The following RABGEF1 variants were observed in gnomAD, a reference collection of about 807,000 sequenced individuals.
RABGEF1 encodes the protein RAB guanine nucleotide exchange factor 1.
In RABGEF1, 26 loss-of-function variants were observed where a neutral mutation model predicts 57.3. The observed-to-expected ratio is 0.45, with a 90% CI of 0.33 to 0.63. The LOEUF is 0.63. RABGEF1 is among the 20% of genes least tolerant of loss of function. The pLI, the probability that RABGEF1 is intolerant of heterozygous loss-of-function variation, is 0.02. For missense variants in RABGEF1, 464 were observed against 607.6 expected, an observed-to-expected ratio of 0.76 and a Z score of 2.48; for synonymous variants, 185 against 210.7, an observed-to-expected ratio of 0.88 and a Z score of 1.06.
intron 2 of RABGEF1, among the ~76,000 whole-genome samples, chr7:66,722,041 C>T (rs986974469): frequency 1.3e-5 from 2 of 152,064 alleles, no homozygotes; most frequent in African/African-American, 4.8e-5. Context: ...TGCCAATATA[C>T]CTGATGATGT....
the RABGEF1 span, among the ~76,000 whole-genome samples, chr7:66,662,504 G>T: frequency 2.6e-5 from 4 of 152,224 alleles, no homozygotes; most frequent in African/African-American, 9.6e-5. Flanking sequence ...AGCTGAGGGT[G>T]TCTGAGGAGC....
chr7:66,738,643 G>A (rs1798327399), upstream of RABGEF1, among the ~76,000 whole-genome samples: 1 of 150,096 alleles, frequency 6.7e-6, no homozygotes, highest in Non-Finnish European at 1.5e-5. Context: ...GAGGCAGAAG[G>A]ATCACTTGAG....
chr7:66,712,993 T>A (rs1247363254), intron 2 of RABGEF1, among the ~76,000 whole-genome samples: 1 of 151,744 alleles, frequency 6.6e-6, no homozygotes, highest in African/African-American at 2.4e-5. Flanking sequence ...TATTTTATAT[T>A]TTGTAGAGAT....
intron 1 of RABGEF1, among the ~76,000 whole-genome samples, chr7:66,748,121 C>T (rs13227951): frequency 0.31 from 47,231 of 152,054 alleles, 9,092 homozygotes; most frequent in Non-Finnish European, 0.43. Flanking sequence ...GCTTTGGATT[C>T]CCAAAGACTT....
At chr7:66,769,597 C>T (rs573843577) in intron 1 of RABGEF1, among the ~76,000 whole-genome samples, 7 of 152,282 alleles carry the variant, frequency 4.6e-5, no homozygotes, top group Admixed American at 2.6e-4. Context: ...GACGTAGATG[C>T]ATTGCAGAAA....
intron 2 of RABGEF1, among the ~76,000 whole-genome samples, chr7:66,724,116 T>C (rs553113763): frequency 6.6e-6 from 1 of 152,250 alleles, no homozygotes; most frequent in East Asian, 1.9e-4. Flanking sequence ...GAGGCTATTT[T>C]AATTGAATAA....
rs112073601 is a variant in RABGEF1, at chr7:66,785,308, C to T, written c.513+1467C>T. Among the ~76,000 whole-genome samples the T allele has an allele frequency of 2.8e-3, 430 of 152,310 alleles. 1 individual carries two copies. Among genetic ancestry groups the T allele is most frequent in the African/African-American group, 1.0e-2 (414 of 41,572 alleles). On this transcript the variant is annotated intron_variant, in intron 4 of 8. Transcript: ENST00000284957. ...CTAAGCCACCTATTTTCCATTTCTA[C>T]ACTATGTGTTTCATGGTTAGGTGGC...
intron 1 of RABGEF1, among the ~76,000 whole-genome samples, chr7:66,703,118 C>T (rs1319610775): frequency 3.9e-5 from 6 of 152,042 alleles, no homozygotes; most frequent in Non-Finnish European, 5.9e-5. Context: ...GGACTATAGG[C>T]GCCCGCTACC....
upstream of RABGEF1, among the ~76,000 whole-genome samples, chr7:66,739,594 G>A (rs1217489965): frequency 6.7e-6 from 1 of 149,638 alleles, no homozygotes; most frequent in African/African-American, 2.5e-5. Flanking sequence ...CCTAGGAGGC[G>A]GAGGTTGCAG....
upstream of RABGEF1, chr7:66,739,886 CGTAAAGAATCAG>C (rs1029030644): frequency 6.6e-6 from 1 of 152,142 alleles, no homozygotes; most frequent in Non-Finnish European, 1.5e-5. Flanking sequence ...ATGGGAATCA[CGTAAAGAATCAG>C]GTAAACAGGA....
At chr7:66,757,100 T>TG (rs1283638703) in intron 1 of RABGEF1, among the ~76,000 whole-genome samples, 1 of 152,268 alleles carries the variant, frequency 6.6e-6, no homozygotes, top group Non-Finnish European at 1.5e-5. Context: ...TGGCCATTTG[T>TG]AGTAAACTTA....
chr7:66,669,794 A>T, the RABGEF1 span: 5 of 152,026 alleles, frequency 3.3e-5, no homozygotes, highest in African/African-American at 1.2e-4. Context: ...ATCATCATCT[A>T]CCTGGTGGCT....
chr7:66,788,115 C>G (rs547127046), intron 4 of RABGEF1, among the ~76,000 whole-genome samples: 1 of 152,254 alleles, frequency 6.6e-6, no homozygotes, highest in Admixed American at 6.5e-5. Flanking sequence ...CTCAAAGTAC[C>G]TACCCTTTAA....
intron 2 of RABGEF1, among the ~76,000 whole-genome samples, chr7:66,716,299 A>G (rs1795384925): frequency 6.6e-6 from 1 of 152,140 alleles, no homozygotes; most frequent in Admixed American, 6.6e-5. Context: ...TAATCTACCT[A>G]TATTAAAATA....
intron 7 of RABGEF1, among the ~76,000 whole-genome samples, chr7:66,803,713 A>AC (rs1303372278): frequency 6.6e-6 from 1 of 151,828 alleles, no homozygotes. Context: ...ATATGGTGAA[A>AC]CCCCATCTCT....
chr7:66,808,864 T>C lies in RABGEF1; in HGVS notation c.1078-22T>C, dbSNP rs1185852544. 2.0e-6 allele frequency: 3 copies of C among 1,530,348 alleles called. No homozygotes were observed. The Admixed American group carries it at 5.7e-5, about 29-fold the overall frequency. The allele number at this position is 1,530,348 out of a possible 1,614,324, so 94.8% of individuals were successfully genotyped here. On this transcript the variant is annotated intron_variant, in intron 8 of 8. Transcript: ENST00000284957. ...ATGCATAGCTTTCCTAATATGACTGTATTAACGTCCTCTTCTTGTAGTGCT... is the reference window on the plus strand; with the variant it reads ...ATGCATAGCTTTCCTAATATGACTGCATTAACGTCCTCTTCTTGTAGTGCT...
Position 66,788,374 on chromosome 7 carries a change from G to T in RABGEF1, c.513+4533G>T, listed in dbSNP as rs1468736277. On this transcript the variant is annotated intron_variant, in intron 4 of 8. Transcript: ENST00000284957. ...GGAGAAGAATCACTTGAACCCAAAAGGTGGGGTTGCAGTGAGCTGAGATCA... is the reference window on the plus strand; with the variant it reads ...GGAGAAGAATCACTTGAACCCAAAATGTGGGGTTGCAGTGAGCTGAGATCA... Among the ~76,000 whole-genome samples the T allele has an allele frequency of 2.0e-5, 3 of 152,068 alleles. No individual in the cohort carries two copies. The South Asian group carries it at 6.2e-4, about 31-fold the overall frequency.
chr7:66,697,492 C>G (rs1792527035), intron 1 of RABGEF1, among the ~76,000 whole-genome samples: 1 of 152,192 alleles, frequency 6.6e-6, no homozygotes, highest in South Asian at 2.1e-4. Flanking sequence ...GCCAGCTCCC[C>G]TCCCTTCCCT....
At chr7:66,781,630 C>A (rs922123578) in intron 3 of RABGEF1, among the ~76,000 whole-genome samples, 2 of 152,172 alleles carry the variant, frequency 1.3e-5, no homozygotes, top group African/African-American at 4.8e-5. Context: ...GGTGGTTTTT[C>A]TCTCATCTTG....
Sources: gnomAD v4.1 joint callset for allele counts (sites outside exome capture counted in the v4.1 genomes callset) on GRCh38, gnomAD v4.1.1 for gene constraint, MANE v1.5 for transcripts, NCBI Gene and HGNC (gene_info 2026-07-23, HGNC 2026-07-21) for gene names.